GRIA1: variants seen among roughly 807,000 people sequenced by gnomAD.
GRIA1 encodes glutamate receptor 1.
GRIA1 carries 31 observed loss-of-function variants against 99.2 expected under a neutral mutation model. That is an observed-to-expected ratio of 0.31 (90% CI 0.23 to 0.42). GRIA1 has a LOEUF of 0.42. Ranked by LOEUF, GRIA1 falls within the 10% of genes least tolerant of loss-of-function variation. The pLI, the probability that GRIA1 is intolerant of heterozygous loss-of-function variation, is 1.00. For synonymous variants in GRIA1, 438 were observed against 432.4 expected (o/e 1.01, Z -0.16); for missense variants, 782 against 1,157.5 (o/e 0.68, Z 4.71).
At chr5:153,581,559 C>A (rs1437273455) in intron 2 of GRIA1, among the ~76,000 whole-genome samples, 1 of 152,104 alleles carries the variant, frequency 6.6e-6, no homozygotes, top group Non-Finnish European at 1.5e-5. Context: ...ATATTTCCTG[C>A]CTGCCTCCTT....
intron 11 of GRIA1, among the ~76,000 whole-genome samples, chr5:153,713,911 G>A (rs1006053775): frequency 1.3e-5 from 2 of 152,156 alleles, no homozygotes; most frequent in African/African-American, 4.8e-5. Flanking sequence ...TACTGTGAGA[G>A]ACATCACAGA....
intron 2 of GRIA1, among the ~76,000 whole-genome samples, chr5:153,510,207 G>A (rs149919874): frequency 9.9e-5 from 15 of 152,240 alleles, no homozygotes; most frequent in African/African-American, 3.4e-4. Context: ...TAAATATATA[G>A]CTAGTTGCTG....
chr5:153,771,489 T>G (rs1165821690), intron 13 of GRIA1, among the ~76,000 whole-genome samples: 1 of 152,214 alleles, frequency 6.6e-6, no homozygotes, highest in African/African-American at 2.4e-5. Flanking sequence ...AGCTACAATT[T>G]TGAACAAGAT....
intron 2 of GRIA1, among the ~76,000 whole-genome samples, chr5:153,635,412 G>C (rs1033841481): frequency 6.6e-6 from 1 of 152,190 alleles, no homozygotes; most frequent in Non-Finnish European, 1.5e-5. Context: ...TTGGCTAATG[G>C]CTTTGCTTTT....
At chr5:153,716,611 G>T (rs576085416) in intron 11 of GRIA1, among the ~76,000 whole-genome samples, 1 of 152,158 alleles carries the variant, frequency 6.6e-6, no homozygotes, top group South Asian at 2.1e-4. Flanking sequence ...CTCAGCTGGA[G>T]TGAGGGAGAT....
At chr5:153,785,477 G>T (rs750480795) in intron 13 of GRIA1, among the ~76,000 whole-genome samples, 1 of 151,830 alleles carries the variant, frequency 6.6e-6, no homozygotes, top group African/African-American at 2.4e-5. Context: ...GCCAGGAAAA[G>T]ACAAAGGAAA....
At chr5:153,666,465 T>C (rs938640040) in intron 5 of GRIA1, among the ~76,000 whole-genome samples, 1 of 152,114 alleles carries the variant, frequency 6.6e-6, no homozygotes, top group Non-Finnish European at 1.5e-5. Flanking sequence ...ACTTCCTTCT[T>C]GGTATAAAAA....
At chr5:153,559,384 C>T (rs1428733590) in intron 2 of GRIA1, among the ~76,000 whole-genome samples, 1 of 152,166 alleles carries the variant, frequency 6.6e-6, no homozygotes, top group African/African-American at 2.4e-5. Flanking sequence ...ACCAGATTTC[C>T]AGTCCCTGTT....
chr5:153,700,991 T>G (rs1758477313), intron 10 of GRIA1, among the ~76,000 whole-genome samples: 1 of 152,310 alleles, frequency 6.6e-6, no homozygotes. Context: ...GGACAAAAGG[T>G]AGAGACCTGG....
chr5:153,694,104 C>A (rs1757939901), intron 8 of GRIA1, among the ~76,000 whole-genome samples: 2 of 152,202 alleles, frequency 1.3e-5, no homozygotes, highest in African/African-American at 4.8e-5. Flanking sequence ...TATGAAAGTA[C>A]CTAGCATATA....
intron 2 of GRIA1, among the ~76,000 whole-genome samples, chr5:153,505,177 CCTAAGA>C (rs1755376887): frequency 6.6e-6 from 1 of 152,138 alleles, no homozygotes; most frequent in African/African-American, 2.4e-5. Context: ...GGACTGATAT[CCTAAGA>C]CTAACACTGA....
chr5:153,575,026 A>T (rs1409866723), intron 2 of GRIA1, among the ~76,000 whole-genome samples: 1 of 152,066 alleles, frequency 6.6e-6, no homozygotes, highest in African/African-American at 2.4e-5. Context: ...AAGAGAACAG[A>T]CTCATAAAAC....
intron 2 of GRIA1, among the ~76,000 whole-genome samples, chr5:153,525,989 T>C (rs1757558615): frequency 6.6e-6 from 1 of 152,184 alleles, no homozygotes; most frequent in Admixed American, 6.5e-5. Flanking sequence ...CACTCAACAC[T>C]GTAAAAGAAA....
At chr5:153,695,418 G>A (rs1005818983) in intron 8 of GRIA1, among the ~76,000 whole-genome samples, 1 of 152,170 alleles carries the variant, frequency 6.6e-6, no homozygotes, top group Non-Finnish European at 1.5e-5. Flanking sequence ...AAGCAGAGCT[G>A]AGCATTAGAG....
chr5:153,811,067 C>A lies in GRIA1; in HGVS notation c.2563C>A (p.Arg855=). The change falls in exon 16 of 16, where the codon CGG becomes AGG. Residue 855 remains arginine (R), a synonymous_variant. Coordinates refer to ENST00000285900, the MANE Select transcript of GRIA1 (RefSeq NM_000827.4). ...ACAGCAATCCATCAACGAAGCCATA[C>A]GGACATCGACCCTCCCCCGCAACAG... ...IPQQSINEAI[R]TSTLPRNSGA... is the part of the protein sequence containing the mutation. 1 of 1,614,092 alleles carries A rather than the reference C, an allele frequency of 6.2e-7. No homozygotes were observed.
chr5:153,622,587 AC>A (rs5872329), intron 2 of GRIA1, among the ~76,000 whole-genome samples: 33,785 of 152,160 alleles, frequency 0.22, 4,293 homozygotes, highest in Non-Finnish European at 0.29. Context: ...AAGTTAAACC[AC>A]GCCTATGTGA....
rs143308759 is a variant in GRIA1, at chr5:153,584,911, T to G, written c.221-62017T>G. On this transcript the variant is annotated intron_variant, in intron 2 of 15. Coordinates refer to ENST00000285900, the MANE Select transcript of GRIA1 (RefSeq NM_000827.4). Reference sequence around the variant, plus strand: ...GGGAACACAAGAAACCTGGGTGAACTTTTTCACAAACAATTCATTTTTCTA... The same window carrying G: ...GGGAACACAAGAAACCTGGGTGAACGTTTTCACAAACAATTCATTTTTCTA... Among the ~76,000 whole-genome samples the G allele has an allele frequency of 8.4e-3, 1,282 of 152,300 alleles. 19 individuals are homozygous for G. Among genetic ancestry groups the G allele is most frequent in the African/African-American group, 0.029 (1,223 of 41,576 alleles).
At chr5:153,536,143 T>G (rs1267784961) in intron 2 of GRIA1, among the ~76,000 whole-genome samples, 1 of 152,170 alleles carries the variant, frequency 6.6e-6, no homozygotes, top group African/African-American at 2.4e-5. Context: ...CTCCCCTAAA[T>G]TATGCCACAA....
At chr5:153,518,245 T>C (rs1232056389) in intron 2 of GRIA1, among the ~76,000 whole-genome samples, 1 of 151,110 alleles carries the variant, frequency 6.6e-6, no homozygotes, top group African/African-American at 2.4e-5. Flanking sequence ...ACTTTGAAGC[T>C]TTTTTTTTAT....
Sources: gnomAD v4.1 joint callset for allele counts (sites outside exome capture counted in the v4.1 genomes callset) on GRCh38, gnomAD v4.1.1 for gene constraint, MANE v1.5 for transcripts, NCBI Gene and HGNC (gene_info 2026-07-23, HGNC 2026-07-21) for gene names.